SLC37A3: variants seen among roughly 807,000 people sequenced by gnomAD.
The protein encoded by SLC37A3 is solute carrier family 37 member 3.
In SLC37A3, 51 loss-of-function variants were observed where a neutral mutation model predicts 67.1. The ratio of observed to expected loss-of-function variants is 0.76; its 90% CI spans 0.61 to 0.96. The LOEUF (loss-of-function observed/expected upper bound fraction) is 0.96, where lower values mean the gene tolerates loss of function less well. Ranked by LOEUF, SLC37A3 falls within the 40% of genes least tolerant of loss-of-function variation. The pLI, the probability that SLC37A3 is intolerant of heterozygous loss-of-function variation, is 0.00. For missense variants in SLC37A3, 508 were observed against 603.0 expected (o/e 0.84, Z 1.65); for synonymous variants, 214 against 231.4 (o/e 0.92, Z 0.68).
chr7:140,367,399 G>C (rs890735266), intron 4 of SLC37A3, among the ~76,000 whole-genome samples: 2 of 152,100 alleles, frequency 1.3e-5, no homozygotes, highest in African/African-American at 4.8e-5. Context: ...TAGCACCATT[G>C]CACTCCAGCC....
chr7:140,369,760 A>G, intron 3 of SLC37A3, 78 bp from the exon 4 acceptor site: 4 of 1,132,492 alleles, frequency 3.5e-6, no homozygotes, highest in Non-Finnish European at 5.2e-6. Context: ...CCCTTCACAA[A>G]CACTTCCAAA....
At position 140,333,875 on chromosome 7, in the gene SLC37A3, C is replaced by T. The variant is rs529755130; in HGVS notation, c.*1537G>A. 113 of 152,712 alleles carry T rather than the reference C, an allele frequency of 7.4e-4. No individual in the cohort carries two copies. Among genetic ancestry groups the T allele is most frequent in the African/African-American group, 2.7e-3 (112 of 41,546 alleles). The allele number at this position is 152,712 out of a possible 1,614,324, so 9.5% of individuals were successfully genotyped here. On this transcript the variant is annotated 3_prime_UTR_variant, in exon 15 of 15. Transcript: ENST00000326232. ...AATAACATTAACAAGTTCATAAACA[C>T]ACCCCATATCAGAGTATAAAGCAAG...
At chr7:140,394,812 T>G (rs1430667713) in intron 1 of SLC37A3, among the ~76,000 whole-genome samples, 1 of 150,886 alleles carries the variant, frequency 6.6e-6, no homozygotes, top group Non-Finnish European at 1.5e-5. Context: ...TTTCACCATA[T>G]TGGCAAGGCT....
intron 4 of SLC37A3, among the ~76,000 whole-genome samples, chr7:140,368,646 C>A (rs1164835223): frequency 6.6e-6 from 1 of 152,158 alleles, no homozygotes; most frequent in Non-Finnish European, 1.5e-5. Context: ...ACTGAACCTA[C>A]ACCTTGAACT....
intron 3 of SLC37A3, chr7:140,379,729 C>CAA (rs560684616): frequency 1.2e-4 from 16 of 128,452 alleles, no homozygotes; most frequent in South Asian, 2.4e-4. Flanking sequence ...CCCATCTCTA[C>CAA]AAAAAAAAAA....
intron 3 of SLC37A3, among the ~76,000 whole-genome samples, chr7:140,370,186 T>C (rs1797768884): frequency 6.6e-6 from 1 of 150,926 alleles, no homozygotes; most frequent in Admixed American, 6.6e-5. Context: ...AATTGACACA[T>C]AGTAATTGTA....
intron 2 of SLC37A3, 39 bp downstream of exon 2, chr7:140,382,399 A>AT: frequency 6.3e-7 from 1 of 1,582,720 alleles, no homozygotes; most frequent in Non-Finnish European, 8.7e-7. Context: ...AAAAGAAAAA[A>AT]GAAAAAAAGC....
Position 140,335,313 on chromosome 7 carries a change from T to C in SLC37A3, c.*99A>G. ...TTGAGAGACGCCTGACAATCCAAGATCAGGCTGGAGCTCCTAGACAAACCC... is the reference window on the plus strand; with the variant it reads ...TTGAGAGACGCCTGACAATCCAAGACCAGGCTGGAGCTCCTAGACAAACCC... On this transcript the variant is annotated 3_prime_UTR_variant, in exon 15 of 15. Transcript: ENST00000326232. The C allele has an allele frequency of 6.2e-7, 1 of 1,614,096 alleles. No homozygotes were observed. Among genetic ancestry groups the C allele is most frequent in the Non-Finnish European group, 8.5e-7 (1 of 1,180,028 alleles).
chr7:140,354,470 C>T (rs976424588), intron 7 of SLC37A3, among the ~76,000 whole-genome samples: 3 of 151,652 alleles, frequency 2.0e-5, no homozygotes, highest in Admixed American at 6.6e-5. Flanking sequence ...CTTTAATTTG[C>T]ATTTCCCTGC....
At position 140,358,636 on chromosome 7, in the gene SLC37A3, A is replaced by G. The variant is rs1164781996; in HGVS notation, c.521+4T>C. On this transcript the variant is annotated splice_donor_region_variant and intron_variant, in intron 6 of 14. Coordinates refer to ENST00000326232, the MANE Select transcript of SLC37A3 (RefSeq NM_207113.3). ...AGAAATTAGAGAGGAAGGAAGTGGC[A>G]TACCCGGCTTTCCCAAACCAGTTGC... is the stretch of plus-strand genomic sequence containing the variant. 15 of 1,613,600 alleles carry G rather than the reference A, an allele frequency of 9.3e-6. No homozygotes were observed. The highest frequency in any genetic ancestry group is 1.3e-5 in the Non-Finnish European group (15 of 1,179,552).
At chr7:140,366,320 G>A (rs1166585041) in intron 4 of SLC37A3, among the ~76,000 whole-genome samples, 1 of 152,072 alleles carries the variant, frequency 6.6e-6, no homozygotes, top group African/African-American at 2.4e-5. Context: ...TGTTGGCCAG[G>A]CTGGTCTCAA....
chr7:140,358,266 C>A (rs1313410275), intron 6 of SLC37A3, among the ~76,000 whole-genome samples: 2 of 151,962 alleles, frequency 1.3e-5, no homozygotes, highest in African/African-American at 4.8e-5. Flanking sequence ...TAAATAAGAT[C>A]ACTCTCAAAA....
intron 1 of SLC37A3, among the ~76,000 whole-genome samples, chr7:140,388,631 C>T (rs1177734452): frequency 6.6e-6 from 1 of 151,840 alleles, no homozygotes; most frequent in South Asian, 2.1e-4. Flanking sequence ...GCCAACATGG[C>T]GAAACCCCGT....
At chr7:140,362,497 C>A (rs1466341622) in intron 5 of SLC37A3, among the ~76,000 whole-genome samples, 7 of 126,804 alleles carry the variant, frequency 5.5e-5, no homozygotes, top group Non-Finnish European at 1.7e-5. Context: ...CCGCCCCTAC[C>A]GGGAAGTGAG....
At chr7:140,389,252 A>G (rs745706428) in intron 1 of SLC37A3, among the ~76,000 whole-genome samples, 14 of 152,130 alleles carry the variant, frequency 9.2e-5, no homozygotes, top group Non-Finnish European at 2.1e-4. Context: ...AACCTCCCCA[A>G]ATTGCTCCTG....
intron 13 of SLC37A3, 143 bp downstream of exon 13, chr7:140,343,269 G>T (rs1796428105): frequency 1.8e-6 from 2 of 1,103,542 alleles, no homozygotes; most frequent in Non-Finnish European, 2.7e-6. Flanking sequence ...AGCTGGTCCT[G>T]AGGGGAGACG....
At chr7:140,364,975 G>A (rs1797542376) in intron 4 of SLC37A3, among the ~76,000 whole-genome samples, 1 of 152,162 alleles carries the variant, frequency 6.6e-6, no homozygotes, top group Non-Finnish European at 1.5e-5. Context: ...GTTACCACAC[G>A]CCCTGCAGTT....
chr7:140,345,266 G>GA lies in SLC37A3; in HGVS notation c.1127-4_1127-3insT. On this transcript the variant is annotated splice_polypyrimidine_tract_variant and splice_region_variant and intron_variant, in intron 11 of 14. Coordinates refer to ENST00000326232, the MANE Select transcript of SLC37A3 (RefSeq NM_207113.3). ...GATGGACTTATCATTTGGAGAACCT[G>GA]TGAGGGAAGACACAGACAAACCATG... The GA allele has an allele frequency of 3.4e-5, 55 of 1,613,460 alleles. No homozygotes were observed. The highest frequency in any genetic ancestry group is 1.7e-4 in the Middle Eastern group (1 of 6,060).
Position 140,382,516 on chromosome 7 carries a change from G to C in SLC37A3, c.11C>G (p.Pro4Arg). Residue 4 changes from proline (P) to arginine (R), a missense_variant, in exon 2 of 15, where the codon CCA becomes CGA. Physicochemically the swap from Pro to Arg is moderately radical, Grantham distance 103. Coordinates refer to ENST00000326232, the MANE Select transcript of SLC37A3 (RefSeq NM_207113.3). MAW[P>R]NVFQRGSLLS... is the part of the protein sequence containing the mutation. ...CAGAGACCCTCTTTGAAAAACATTT[G>C]GCCAGGCCATGTTCTTCCTGACCTT... The C allele has an allele frequency of 6.2e-7, 1 of 1,613,986 alleles. No homozygotes were observed. The highest frequency in any genetic ancestry group is 8.5e-7 in the Non-Finnish European group (1 of 1,179,926).
Sources: gnomAD v4.1 joint callset for allele counts (sites outside exome capture counted in the v4.1 genomes callset) on GRCh38, gnomAD v4.1.1 for gene constraint, MANE v1.5 for transcripts, NCBI Gene and HGNC (gene_info 2026-07-23, HGNC 2026-07-21) for gene names.